The following PIK3C2G variants were observed in gnomAD, a reference collection of about 807,000 sequenced individuals.
PIK3C2G encodes the protein phosphatidylinositol 3-kinase C2 domain-containing subunit gamma.
In PIK3C2G, 168 loss-of-function variants were observed where a neutral mutation model predicts 181.1. The observed-to-expected ratio is 0.93, with a 90% CI of 0.82 to 1.05. The LOEUF (loss-of-function observed/expected upper bound fraction) is 1.05. Among genes scored for constraint, PIK3C2G ranks in the 50% least tolerant of loss-of-function variants. The pLI is 0.00. For missense variants in PIK3C2G, 1,869 were observed against 1,732.8 expected, an observed-to-expected ratio of 1.08 and a Z score of -1.40; for synonymous variants, 573 against 592.2, an observed-to-expected ratio of 0.97 and a Z score of 0.47.
Position 18,598,719 on chromosome 12 carries a change from A to G in PIK3C2G, c.4087+4150A>G, listed in dbSNP as rs1028592322. 6.9e-3 allele frequency among the ~76,000 whole-genome samples: 976 copies of G among 140,846 alleles called. 7 individuals are homozygous for G. Among genetic ancestry groups the G allele is most frequent in the African/African-American group, 0.023 (927 of 39,972 alleles). The allele number at this position is 140,846 out of a possible 152,430, so 92.4% of individuals were successfully genotyped here. A position where few individuals can be genotyped will look rare whatever the true frequency, so the allele number is the denominator to read the frequency against. On this transcript the variant is annotated intron_variant, in intron 30 of 32. Transcript: ENST00000538779. ...CATCAGAGTGAACAGGCAACCTACA[A>G]AATGGGAGAAAATTTTCGCAACCTA... is the stretch of plus-strand genomic sequence containing the variant.
At chr12:18,485,838 T>C (rs1216879100) in intron 18 of PIK3C2G, among the ~76,000 whole-genome samples, 1 of 152,174 alleles carries the variant, frequency 6.6e-6, no homozygotes, top group Admixed American at 6.6e-5. Flanking sequence ...CGGCATCTTT[T>C]GAAAAGAATT....
At chr12:18,269,890 C>T (rs1483354769) in intron 1 of PIK3C2G, among the ~76,000 whole-genome samples, 1 of 148,198 alleles carries the variant, frequency 6.7e-6, no homozygotes, top group Non-Finnish European at 1.5e-5. Context: ...ACAAGTTACC[C>T]TTTTTTCTTT....
intron 5 of PIK3C2G, among the ~76,000 whole-genome samples, chr12:18,301,812 T>C (rs1565573701): frequency 1.3e-5 from 2 of 152,226 alleles, no homozygotes; most frequent in South Asian, 2.1e-4. Context: ...AAAATATATA[T>C]GCTATTAGTG....
intron 1 of PIK3C2G, among the ~76,000 whole-genome samples, chr12:18,277,397 G>A (rs4442600): frequency 0.37 from 55,812 of 151,850 alleles, 10,408 homozygotes; most frequent in Non-Finnish European, 0.41. Flanking sequence ...CAGGTCAGCC[G>A]CCATAGTTAC....
chr12:18,718,888 A>G, the PIK3C2G span, among the ~76,000 whole-genome samples: 1 of 152,164 alleles, frequency 6.6e-6, no homozygotes, highest in Non-Finnish European at 1.5e-5. Flanking sequence ...TAACAGTATG[A>G]TAGGTACATT....
At chr12:18,256,550 AG>A (rs1948147896), upstream of PIK3C2G, among the ~76,000 whole-genome samples, 1 of 152,110 alleles carries the variant, frequency 6.6e-6, no homozygotes, top group African/African-American at 2.4e-5. Flanking sequence ...CACTTGAAAA[AG>A]TCAGAGGCCT....
intron 16 of PIK3C2G, among the ~76,000 whole-genome samples, chr12:18,419,894 T>C (rs957011717): frequency 2.6e-5 from 4 of 152,148 alleles, no homozygotes; most frequent in Non-Finnish European, 5.9e-5. Context: ...AACCCTTCAG[T>C]AACCTGATAT....
At chr12:18,576,737 A>G (rs7956781) in intron 29 of PIK3C2G, among the ~76,000 whole-genome samples, 12 of 152,210 alleles carry the variant, frequency 7.9e-5, no homozygotes, top group Non-Finnish European at 1.2e-4. Context: ...AACTTAATTC[A>G]TCACATTGGG....
the PIK3C2G span, among the ~76,000 whole-genome samples, chr12:18,721,886 C>G: frequency 7.2e-5 from 11 of 151,892 alleles, no homozygotes; most frequent in African/African-American, 1.2e-4. Flanking sequence ...TATCGAGAAC[C>G]CTTCAAAATC....
At position 18,466,088 on chromosome 12, in the gene PIK3C2G, T is replaced by C. The variant is rs1027319722; in HGVS notation, c.2505-22361T>C. Among the ~76,000 whole-genome samples, 7 of 151,810 alleles carry C rather than the reference T, an allele frequency of 4.6e-5. No homozygotes were observed. In the East Asian group the frequency reaches 1.3e-3, roughly 29 times the overall value. Reference sequence around the variant, plus strand: ...ATGTGCGTGTGTGTGTATTTGCATGTGTGTATATATTATACATAGAACAAG... The same window carrying C: ...ATGTGCGTGTGTGTGTATTTGCATGCGTGTATATATTATACATAGAACAAG... On this transcript the variant is annotated intron_variant, in intron 18 of 32. Coordinates refer to ENST00000538779, the MANE Select transcript of PIK3C2G (RefSeq NM_001288772.2).
At chr12:18,588,536 G>T (rs1030770945) in intron 29 of PIK3C2G, among the ~76,000 whole-genome samples, 1 of 151,806 alleles carries the variant, frequency 6.6e-6, no homozygotes, top group Non-Finnish European at 1.5e-5. Context: ...ATCAAAACCA[G>T]TGAGGTACCA....
chr12:18,573,601 A>G (rs773510035), intron 29 of PIK3C2G, among the ~76,000 whole-genome samples: 20 of 152,176 alleles, frequency 1.3e-4, no homozygotes, highest in Non-Finnish European at 2.6e-4. Context: ...TGGCTGTCTA[A>G]CACTTTCCAG....
chr12:18,696,033 G>GC, the PIK3C2G span: 1 of 598,596 alleles, frequency 1.7e-6, no homozygotes, highest in Non-Finnish European at 3.0e-6. Flanking sequence ...TGACCCCAAA[G>GC]CCCCCGGGCT....
the PIK3C2G span, among the ~76,000 whole-genome samples, chr12:18,680,304 A>C: frequency 3.9e-5 from 6 of 152,036 alleles, no homozygotes; most frequent in African/African-American, 1.4e-4. Context: ...AGATTTACAC[A>C]AAGATTTTGA....
intron 26 of PIK3C2G, among the ~76,000 whole-genome samples, chr12:18,559,304 T>C (rs1238363585): frequency 1.3e-5 from 2 of 152,064 alleles, no homozygotes; most frequent in African/African-American, 2.4e-5. Flanking sequence ...ATGACAAAAC[T>C]AGGCAACAAG....
At position 18,248,497 on chromosome 12, in the gene PIK3C2G, CG is replaced by C. The variant is rs1948064613; in HGVS notation, c.-79+419del. ...CTGAGGCAGGAGAATGGTGTGAACC[CG>C]GGGCGGAGCCTGCAGTGAGCCGAGA... On this transcript the variant is annotated intron_variant, in intron 1 of 11. Coordinates refer to the PIK3C2G transcript ENST00000535651. 2.6e-5 allele frequency among the ~76,000 whole-genome samples: 4 copies of C among 152,154 alleles called. No homozygotes were observed. The South Asian group carries it at 8.3e-4, about 32-fold the overall frequency.
At chr12:18,590,411 T>C (rs923643629) in intron 29 of PIK3C2G, among the ~76,000 whole-genome samples, 1 of 151,934 alleles carries the variant, frequency 6.6e-6, no homozygotes, top group African/African-American at 2.4e-5. Flanking sequence ...AAATATTGTA[T>C]GGGTACCCTC....
At chr12:18,387,828 A>G (rs1318588515) in intron 14 of PIK3C2G, among the ~76,000 whole-genome samples, 1 of 152,190 alleles carries the variant, frequency 6.6e-6, no homozygotes, top group Non-Finnish European at 1.5e-5. Context: ...ATATGTATCC[A>G]TATTTCTGAT....
At chr12:18,497,294 T>G (rs1203300957) in intron 21 of PIK3C2G, among the ~76,000 whole-genome samples, 1 of 152,134 alleles carries the variant, frequency 6.6e-6, no homozygotes, top group Non-Finnish European at 1.5e-5. Flanking sequence ...TGAATAAACA[T>G]TCATCCAGCC....
Sources: allele counts gnomAD v4.1 joint callset (sites outside exome capture counted in the v4.1 genomes callset), GRCh38; gene constraint gnomAD v4.1.1; transcripts MANE v1.5; gene names NCBI Gene and HGNC (gene_info 2026-07-23, HGNC 2026-07-21).